The following ZFHX3 variants were observed in gnomAD, a reference collection of about 807,000 sequenced individuals.
The protein encoded by ZFHX3 is zinc finger homeobox protein 3.
ZFHX3 carries 42 observed loss-of-function variants against 279.1 expected under a neutral mutation model. The observed-to-expected ratio is 0.15, with a 90% CI of 0.12 to 0.19. ZFHX3 has a LOEUF of 0.19. Among genes scored for constraint, ZFHX3 ranks in the 10% least tolerant of loss-of-function variants. ZFHX3 has a pLI of 1.00. For synonymous variants in ZFHX3, 2,293 were observed against 1,957.8 expected (o/e 1.17, Z -4.52); for missense variants, 4,981 against 4,754.0 (o/e 1.05, Z -1.40).
intron 2 of ZFHX3, among the ~76,000 whole-genome samples, chr16:73,668,200 C>A (rs2052865111): frequency 6.6e-6 from 1 of 152,068 alleles, no homozygotes; most frequent in Non-Finnish European, 1.5e-5. Context: ...AATGTACTAG[C>A]CATTGTAAGT....
intron 2 of ZFHX3, among the ~76,000 whole-genome samples, chr16:73,465,936 A>G (rs1457206139): frequency 6.8e-6 from 1 of 147,552 alleles, no homozygotes; most frequent in African/African-American, 2.5e-5. Context: ...CCCCACTCCC[A>G]CCCCACCCCC....
chr16:73,218,355 A>G (rs2012288043), intron 5 of ZFHX3, among the ~76,000 whole-genome samples: 1 of 152,260 alleles, frequency 6.6e-6, no homozygotes, highest in Admixed American at 6.5e-5. Flanking sequence ...AACTTCTTGG[A>G]TAAGGAAACA....
At chr16:73,520,097 C>A (rs2019586978) in intron 2 of ZFHX3, among the ~76,000 whole-genome samples, 1 of 152,166 alleles carries the variant, frequency 6.6e-6, no homozygotes, top group Non-Finnish European at 1.5e-5. Flanking sequence ...TCACACCAGG[C>A]ACTTTTTCAC....
intron 1 of ZFHX3, among the ~76,000 whole-genome samples, chr16:73,756,885 G>T (rs1015327838): frequency 6.6e-6 from 1 of 152,024 alleles, no homozygotes. Flanking sequence ...ATGACGCAAG[G>T]AATAACTTAA....
At chr16:73,865,037 A>G (rs1035438967) in intron 1 of ZFHX3, among the ~76,000 whole-genome samples, 2 of 152,226 alleles carry the variant, frequency 1.3e-5, no homozygotes, top group Non-Finnish European at 2.9e-5. Flanking sequence ...CTCTGACATC[A>G]TGTCAACAAG....
chr16:73,049,723 G>T (rs1392110397), upstream of ZFHX3, among the ~76,000 whole-genome samples: 1 of 152,146 alleles, frequency 6.6e-6, no homozygotes, highest in Non-Finnish European at 1.5e-5. Flanking sequence ...CGGGTGGGGG[G>T]AGTTAAGAGC....
chr16:73,652,309 A>G (rs2052679779), intron 2 of ZFHX3, among the ~76,000 whole-genome samples: 2 of 152,204 alleles, frequency 1.3e-5, no homozygotes, highest in African/African-American at 4.8e-5. Flanking sequence ...GTTGTGGATC[A>G]TAGGGAAAGA....
At position 72,950,517 on chromosome 16, in the gene ZFHX3, C is replaced by T. The variant is rs1168555946; in HGVS notation, c.3168G>A (p.Arg1056=). 4 of 1,614,238 alleles carry T rather than the reference C, an allele frequency of 2.5e-6. No individual in the cohort carries two copies. Among genetic ancestry groups the T allele is most frequent in the Non-Finnish European group, 3.4e-6 (4 of 1,180,036 alleles). The change falls in exon 3 of 10, where the codon CGG becomes CGA. Residue 1056 remains arginine, a synonymous_variant. Transcript: ENST00000268489. ...CGTGCCTGGAGTTGACCGTGTGCAGCCGCAGCTTCTCCAGGCTGTTGGTGT... is the reference window on the plus strand; with the variant it reads ...CGTGCCTGGAGTTGACCGTGTGCAGTCGCAGCTTCTCCAGGCTGTTGGTGT... The part of the protein sequence containing the change: ...DYYTNSLEKL[R]LHTVNSRHEA...
chr16:73,664,352 A>T (rs534100429), intron 2 of ZFHX3, among the ~76,000 whole-genome samples: 1 of 152,362 alleles, frequency 6.6e-6, no homozygotes, highest in Non-Finnish European at 1.5e-5. Context: ...AATTGCATCA[A>T]TATCTAATAC....
intron 3 of ZFHX3, among the ~76,000 whole-genome samples, chr16:73,384,571 G>C (rs1753603787): frequency 6.6e-6 from 1 of 152,294 alleles, no homozygotes; most frequent in South Asian, 2.1e-4. Flanking sequence ...GCATGAACTT[G>C]GCCCTGCAGT....
chr16:73,557,844 T>A (rs1402257360), intron 2 of ZFHX3, among the ~76,000 whole-genome samples: 1 of 152,148 alleles, frequency 6.6e-6, no homozygotes, highest in Non-Finnish European at 1.5e-5. Flanking sequence ...CTATTCAAGA[T>A]GGAGTTGCTC....
At chr16:73,240,829 A>G (rs1309075804) in intron 5 of ZFHX3, among the ~76,000 whole-genome samples, 1 of 152,230 alleles carries the variant, frequency 6.6e-6, no homozygotes, top group Non-Finnish European at 1.5e-5. Flanking sequence ...TATACTAGTG[A>G]AAGAGTAGAG....
chr16:73,426,108 T>G (rs1490779988), intron 3 of ZFHX3, among the ~76,000 whole-genome samples: 2 of 152,174 alleles, frequency 1.3e-5, no homozygotes, highest in African/African-American at 2.4e-5. Flanking sequence ...CCAGCTGGTG[T>G]GCACTGGGCC....
intron 3 of ZFHX3, among the ~76,000 whole-genome samples, chr16:73,366,030 C>A (rs1468155303): frequency 6.6e-6 from 1 of 152,158 alleles, no homozygotes; most frequent in Non-Finnish European, 1.5e-5. Flanking sequence ...AACCAAACAT[C>A]CAGCTGAAGT....
At chr16:73,805,042 G>C (rs1196918940) in intron 1 of ZFHX3, among the ~76,000 whole-genome samples, 3 of 152,062 alleles carry the variant, frequency 2.0e-5, no homozygotes, top group Non-Finnish European at 4.4e-5. Context: ...AGTATACTTA[G>C]TGTTCATGTA....
intron 1 of ZFHX3, among the ~76,000 whole-genome samples, chr16:73,729,115 G>T (rs576572570): frequency 6.6e-6 from 1 of 152,296 alleles, no homozygotes; most frequent in African/African-American, 2.4e-5. Context: ...CTGAAGGGTA[G>T]TCTGCCCAGT....
intron 3 of ZFHX3, among the ~76,000 whole-genome samples, chr16:73,365,953 G>T (rs2016522227): frequency 1.3e-5 from 2 of 152,194 alleles, no homozygotes; most frequent in South Asian, 4.1e-4. Context: ...AAGAGTCCAG[G>T]AAAGGGAAAG....
intron 3 of ZFHX3, among the ~76,000 whole-genome samples, chr16:72,919,173 T>C (rs1159620492): frequency 1.3e-5 from 2 of 151,836 alleles, no homozygotes; most frequent in South Asian, 2.1e-4. Context: ...TTTTTTTTTT[T>C]AGAGACAGGG....
chr16:73,185,026 G>A (rs572826366), intron 5 of ZFHX3, among the ~76,000 whole-genome samples: 6 of 150,780 alleles, frequency 4.0e-5, no homozygotes, highest in African/African-American at 7.3e-5. Flanking sequence ...CACCCAGGCT[G>A]GAGTGTAGTG....
Sources: gnomAD v4.1 joint callset for allele counts (sites outside exome capture counted in the v4.1 genomes callset) on GRCh38, gnomAD v4.1.1 for gene constraint, MANE v1.5 for transcripts, NCBI Gene and HGNC (gene_info 2026-07-23, HGNC 2026-07-21) for gene names.